Variants in MACROD2 observed in about 807,000 individuals in gnomAD.
MACROD2 encodes mono-ADP ribosylhydrolase 2.
MACROD2 carries 36 observed loss-of-function variants against 70.4 expected under a neutral mutation model. The observed-to-expected ratio is 0.51, with a 90% confidence interval of 0.39 to 0.68. The LOEUF (loss-of-function observed/expected upper bound fraction) is 0.68, where lower values mean the gene tolerates loss of function less well. Among genes scored for constraint, MACROD2 ranks in the 30% least tolerant of loss-of-function variants. The probability of loss-of-function intolerance (pLI) is 0.00; values close to 1 mark genes in which losing one functional copy is unlikely to be tolerated. For synonymous variants in MACROD2, 172 were observed against 178.8 expected, an observed-to-expected ratio of 0.96 and a Z score of 0.30; for missense variants, 496 against 538.4, an observed-to-expected ratio of 0.92 and a Z score of 0.78.
intron 7 of MACROD2, among the ~76,000 whole-genome samples, chr20:15,464,854 T>C (rs1489490271): frequency 1.3e-5 from 2 of 152,224 alleles, no homozygotes; most frequent in Admixed American, 6.5e-5. Flanking sequence ...TGAGGATACA[T>C]GTCTTAGTCA....
chr20:15,954,628 T>A (rs1256238890), intron 12 of MACROD2, among the ~76,000 whole-genome samples: 1 of 152,176 alleles, frequency 6.6e-6, no homozygotes, highest in Non-Finnish European at 1.5e-5. Context: ...TATTGACATC[T>A]CTTATGGCCA....
chr20:14,709,401 ACT>A (rs963976004), intron 5 of MACROD2, among the ~76,000 whole-genome samples: 29 of 151,968 alleles, frequency 1.9e-4, no homozygotes, highest in African/African-American at 5.6e-4. Context: ...ACAAACACAC[ACT>A]CTCACACACT....
At chr20:15,225,864 G>A (rs1447055465) in intron 5 of MACROD2, among the ~76,000 whole-genome samples, 2 of 152,226 alleles carry the variant, frequency 1.3e-5, no homozygotes, top group Non-Finnish European at 2.9e-5. Context: ...GCATATGGGC[G>A]AGCATATTAT....
At chr20:15,442,410 T>C (rs2046507769) in intron 7 of MACROD2, among the ~76,000 whole-genome samples, 1 of 152,138 alleles carries the variant, frequency 6.6e-6, no homozygotes, top group Non-Finnish European at 1.5e-5. Flanking sequence ...TGTGGAGGAT[T>C]TGTTCCACTC....
chr20:15,444,061 G>A lies in MACROD2; in HGVS notation c.571+12626G>A, dbSNP rs569141161. 3.3e-5 allele frequency among the ~76,000 whole-genome samples: 5 copies of A among 152,202 alleles called. No individual in the cohort carries two copies. In the South Asian group the frequency reaches 1.0e-3, roughly 32 times the overall value. ...CATGCCCAAAAGAAATCCCACATTA[G>A]CTGTCACTCCGTCCCCTCTCTCTCA... On this transcript the variant is annotated intron_variant, in intron 7 of 17. Coordinates refer to ENST00000684519, the MANE Select transcript of MACROD2 (RefSeq NM_001351661.2).
rs558318085 is a variant in MACROD2 at position 14,985,817 on chromosome 20, G to A, written c.419-244123G>A. Reference sequence around the variant, plus strand: ...AGATATGGGGCCAGGGTCGGGGGCAGGGAAGGAAGGGAAGTCTCACTAGGT... The same window carrying A: ...AGATATGGGGCCAGGGTCGGGGGCAAGGAAGGAAGGGAAGTCTCACTAGGT... On this transcript the variant is annotated intron_variant, in intron 5 of 17. Coordinates refer to ENST00000684519, the MANE Select transcript of MACROD2 (RefSeq NM_001351661.2). Among the ~76,000 whole-genome samples, 23 of 151,654 alleles carry A rather than the reference G, an allele frequency of 1.5e-4. No individual in the cohort carries two copies. The South Asian group carries it at 4.8e-3, about 32-fold the overall frequency.
At chr20:14,464,624 G>A (rs1241520058) in intron 3 of MACROD2, among the ~76,000 whole-genome samples, 1 of 151,998 alleles carries the variant, frequency 6.6e-6, no homozygotes, top group South Asian at 2.1e-4. Context: ...TAATTGTGAT[G>A]TTAGGGTGTC....
intron 2 of MACROD2, among the ~76,000 whole-genome samples, chr20:14,011,711 A>G (rs539512155): frequency 7.2e-5 from 11 of 151,992 alleles, no homozygotes; most frequent in African/African-American, 2.7e-4. Flanking sequence ...TGTATTTTTT[A>G]GTAGAGACAG....
At chr20:15,008,540 T>C (rs1370986721) in intron 5 of MACROD2, among the ~76,000 whole-genome samples, 2 of 152,138 alleles carry the variant, frequency 1.3e-5, no homozygotes, top group Non-Finnish European at 2.9e-5. Flanking sequence ...TGGTGCAGGT[T>C]CTTGAGAAAC....
intron 7 of MACROD2, among the ~76,000 whole-genome samples, chr20:15,484,551 G>A (rs770670861): frequency 6.6e-6 from 1 of 152,172 alleles, no homozygotes; most frequent in Non-Finnish European, 1.5e-5. Flanking sequence ...GGATCTGATA[G>A]AACCCCAATA....
chr20:14,129,227 C>T lies in MACROD2; in HGVS notation c.271+43499C>T, dbSNP rs527674964. On this transcript the variant is annotated intron_variant, in intron 3 of 17. Coordinates refer to ENST00000684519, the MANE Select transcript of MACROD2 (RefSeq NM_001351661.2). ...ATGGAAGGAGGTCACAATATTAACA[C>T]GAACAGAAATTTGGAAGAAGTTGAT... Among the ~76,000 whole-genome samples the T allele has an allele frequency of 7.6e-4, 115 of 152,216 alleles. 1 individual carries two copies. Among genetic ancestry groups the T allele is most frequent in the African/African-American group, 2.7e-3 (112 of 41,542 alleles).
intron 5 of MACROD2, among the ~76,000 whole-genome samples, chr20:15,082,056 C>T (rs1420778445): frequency 6.6e-6 from 1 of 152,192 alleles, no homozygotes; most frequent in Admixed American, 6.5e-5. Context: ...CATGTACACT[C>T]AGCTTCTTGG....
chr20:15,947,089 C>T (rs910629183), intron 12 of MACROD2, among the ~76,000 whole-genome samples: 2 of 152,176 alleles, frequency 1.3e-5, no homozygotes, highest in African/African-American at 4.8e-5. Context: ...CGCCACAGGG[C>T]GGTTTTTCTC....
At chr20:14,272,026 C>T (rs1321988822) in intron 3 of MACROD2, among the ~76,000 whole-genome samples, 1 of 151,942 alleles carries the variant, frequency 6.6e-6, no homozygotes, top group African/African-American at 2.4e-5. Context: ...GATTGGTGTA[C>T]CTGAAAGTGA....
intron 5 of MACROD2, among the ~76,000 whole-genome samples, chr20:15,070,628 C>T (rs540988296): frequency 4.6e-5 from 7 of 152,188 alleles, no homozygotes; most frequent in South Asian, 2.1e-4. Flanking sequence ...GCACCTCCTC[C>T]GCTCTCTTTT....
intron 3 of MACROD2, among the ~76,000 whole-genome samples, chr20:14,177,648 C>A (rs768078843): frequency 6.6e-6 from 1 of 152,240 alleles, no homozygotes; most frequent in East Asian, 1.9e-4. Context: ...CACCGTTATA[C>A]TCATGCTTGT....
At position 15,859,757 on chromosome 20, in the gene MACROD2, CG is replaced by C. The variant is rs1418934694; in HGVS notation, c.646-2987del. ...AAGTGTTTCACTGTCACCATCCCCG[CG>C]CTTTTTTTTTTTTTTCTGGGAAAAT... is the stretch of plus-strand genomic sequence containing the variant. On this transcript the variant is annotated intron_variant, in intron 8 of 17. Coordinates refer to ENST00000684519, the MANE Select transcript of MACROD2 (RefSeq NM_001351661.2). Among the ~76,000 whole-genome samples the C allele has an allele frequency of 4.2e-5, 4 of 94,822 alleles. No individual in the cohort carries two copies. In the East Asian group the frequency reaches 9.4e-4, roughly 22 times the overall value. The allele number at this position is 94,822 out of a possible 152,430, so 62.2% of individuals were successfully genotyped here.
intron 6 of MACROD2, among the ~76,000 whole-genome samples, chr20:15,293,481 A>C (rs1235902749): frequency 6.6e-6 from 1 of 152,240 alleles, no homozygotes; most frequent in Admixed American, 6.5e-5. Context: ...ATATAGGAAA[A>C]AAATCTTCAA....
chr20:14,354,906 A>G (rs1420252432), intron 3 of MACROD2, among the ~76,000 whole-genome samples: 2 of 152,172 alleles, frequency 1.3e-5, no homozygotes, highest in African/African-American at 2.4e-5. Flanking sequence ...CTGTTCCTGC[A>G]TTAATTCACT....
Sources: allele counts gnomAD v4.1 joint callset (sites outside exome capture counted in the v4.1 genomes callset), GRCh38; gene constraint gnomAD v4.1.1; transcripts MANE v1.5; gene names NCBI Gene and HGNC (gene_info 2026-07-23, HGNC 2026-07-21).